Variants in DPYD observed in about 807,000 individuals in gnomAD.
DPYD encodes dihydropyrimidine dehydrogenase.
In DPYD, 109 loss-of-function variants were observed where a neutral mutation model predicts 116.2. That is an observed-to-expected ratio of 0.94 (90% CI 0.80 to 1.10). The LOEUF (loss-of-function observed/expected upper bound fraction) is 1.10. Ranked by LOEUF, DPYD falls within the 50% of genes least tolerant of loss-of-function variation. The pLI, the probability that DPYD is intolerant of heterozygous loss-of-function variation, is 0.00. For synonymous variants in DPYD, 440 were observed against 432.0 expected (o/e 1.02, Z -0.23); for missense variants, 1,302 against 1,254.5 (o/e 1.04, Z -0.57).
intron 6 of DPYD, among the ~76,000 whole-genome samples, chr1:97,693,774 T>C (rs1047016131): frequency 7.2e-5 from 11 of 152,108 alleles, no homozygotes; most frequent in African/African-American, 1.4e-4. Flanking sequence ...TCCAGACACA[T>C]TGTGAAGCCG....
chr1:97,747,629 T>C (rs965132131), intron 3 of DPYD, among the ~76,000 whole-genome samples: 2 of 152,200 alleles, frequency 1.3e-5, no homozygotes, highest in African/African-American at 2.4e-5. Flanking sequence ...AGATAATACA[T>C]AGCATATATG....
At chr1:97,289,817 A>T (rs965558247) in intron 18 of DPYD, among the ~76,000 whole-genome samples, 1 of 150,920 alleles carries the variant, frequency 6.6e-6, no homozygotes, top group African/African-American at 2.4e-5. Flanking sequence ...TATTCAACAT[A>T]GTGTTGGAAG....
intron 8 of DPYD, among the ~76,000 whole-genome samples, chr1:97,646,403 T>C (rs974892028): frequency 5.3e-5 from 8 of 152,094 alleles, no homozygotes; most frequent in African/African-American, 1.7e-4. Context: ...GCTCCTCCCA[T>C]TGTGTCTTTA....
At chr1:97,526,017 T>TGTGTGTG in intron 12 of DPYD, among the ~76,000 whole-genome samples, 6 of 93,398 alleles carry the variant, frequency 6.4e-5, no homozygotes, top group Admixed American at 1.2e-4. Flanking sequence ...GTGTGTGTGT[T>TGTGTGTG]TCTATAATTC....
intron 13 of DPYD, among the ~76,000 whole-genome samples, chr1:97,479,350 T>A (rs1678172420): frequency 1.3e-5 from 2 of 152,150 alleles, no homozygotes; most frequent in Non-Finnish European, 2.9e-5. Flanking sequence ...TTGGTCTAAT[T>A]TCTATGTTGT....
chr1:97,758,461 G>A (rs1332909851), intron 3 of DPYD, among the ~76,000 whole-genome samples: 2 of 151,624 alleles, frequency 1.3e-5, no homozygotes, highest in Non-Finnish European at 2.9e-5. Context: ...CTTTCAATAA[G>A]AACATAGTTG....
chr1:97,908,756 T>A (rs1336554301), intron 1 of DPYD, among the ~76,000 whole-genome samples: 1 of 152,124 alleles, frequency 6.6e-6, no homozygotes, highest in Non-Finnish European at 1.5e-5. Context: ...CTGACCTTCC[T>A]GAAACCATCA....
chr1:97,701,859 A>C (rs1265495339), intron 5 of DPYD, among the ~76,000 whole-genome samples: 1 of 151,798 alleles, frequency 6.6e-6, no homozygotes. Flanking sequence ...TTAGACCATA[A>C]AATATTTAAG....
intron 5 of DPYD, among the ~76,000 whole-genome samples, chr1:97,716,291 T>C (rs1249138355): frequency 2.0e-5 from 3 of 152,008 alleles, no homozygotes; most frequent in Non-Finnish European, 4.4e-5. Flanking sequence ...TATCCCATCA[T>C]CATGTTATTA....
chr1:97,447,905 T>A (rs951859323), intron 14 of DPYD, among the ~76,000 whole-genome samples: 11 of 152,150 alleles, frequency 7.2e-5, no homozygotes, highest in Admixed American at 7.2e-4. Context: ...TTTGGGAATT[T>A]ATATTTCATA....
At chr1:97,794,800 T>C (rs553958885) in intron 3 of DPYD, among the ~76,000 whole-genome samples, 1 of 152,202 alleles carries the variant, frequency 6.6e-6, no homozygotes, top group Admixed American at 6.6e-5. Flanking sequence ...GCAGGGTACA[T>C]AGATTTTTAG....
chr1:97,699,351 CT>C lies in DPYD; in HGVS notation c.679del (p.Ser227ValfsTer14). ...AACATGAAATAAATGTAGGCATTAC[CT>C]TAAACCACCAACATATTCTTGTTTT... Reference protein sequence around the residue: ...FEKQEYVGGLSTSEIPQFRLP... With the variant: ...FEKQEYVGGLXTSEIPQFRLP... On this transcript the variant is annotated frameshift_variant and splice_region_variant, in exon 6 of 23. Transcript: ENST00000370192. LOFTEE classifies it high-confidence loss of function. 1.2e-6 allele frequency: 2 copies of C among 1,613,124 alleles called. No homozygotes were observed. Among genetic ancestry groups the C allele is most frequent in the African/African-American group, 2.7e-5 (2 of 74,972 alleles).
intron 20 of DPYD, among the ~76,000 whole-genome samples, chr1:97,170,146 C>A (rs1340133247): frequency 6.6e-6 from 1 of 152,050 alleles, no homozygotes; most frequent in Non-Finnish European, 1.5e-5. Flanking sequence ...TTTCAGATGG[C>A]CCTCATAAGT....
At chr1:97,880,043 G>T (rs754791162) in intron 2 of DPYD, among the ~76,000 whole-genome samples, 18 of 151,578 alleles carry the variant, frequency 1.2e-4, no homozygotes, top group Non-Finnish European at 7.4e-5. Flanking sequence ...TATAGAGAGA[G>T]ATATATGTAT....
At chr1:97,447,171 A>G (rs1237155761) in intron 14 of DPYD, among the ~76,000 whole-genome samples, 1 of 152,182 alleles carries the variant, frequency 6.6e-6, no homozygotes, top group African/African-American at 2.4e-5. Flanking sequence ...CTATGTCCAC[A>G]CCCAGCACAA....
At chr1:97,297,893 T>A (rs1208695715) in intron 18 of DPYD, among the ~76,000 whole-genome samples, 1 of 152,204 alleles carries the variant, frequency 6.6e-6, no homozygotes, top group African/African-American at 2.4e-5. Flanking sequence ...GTGATATCCA[T>A]AAATTGTCTT....
At chr1:97,504,285 T>G (rs895814525) in intron 13 of DPYD, among the ~76,000 whole-genome samples, 1 of 151,966 alleles carries the variant, frequency 6.6e-6, no homozygotes, top group African/African-American at 2.4e-5. Flanking sequence ...CGAAAAGGTG[T>G]GAGTTGTCTG....
intron 15 of DPYD, among the ~76,000 whole-genome samples, chr1:97,377,309 A>G (rs573927659): frequency 3.3e-5 from 5 of 152,248 alleles, no homozygotes; most frequent in African/African-American, 1.2e-4. Context: ...GAGGAGTGAT[A>G]AAAAATAAAA....
intron 16 of DPYD, among the ~76,000 whole-genome samples, chr1:97,368,699 T>C (rs72728415): frequency 0.073 from 11,123 of 152,242 alleles, 494 homozygotes; most frequent in African/African-American, 0.12. Context: ...TCAGTAGAAC[T>C]CCTGGGGAAG....
Sources: allele counts gnomAD v4.1 joint callset (sites outside exome capture counted in the v4.1 genomes callset), GRCh38; gene constraint gnomAD v4.1.1; transcripts MANE v1.5; gene names NCBI Gene and HGNC (gene_info 2026-07-23, HGNC 2026-07-21).